The following DLGAP2 variants were observed in gnomAD, a reference collection of about 807,000 sequenced individuals.
DLGAP2 encodes disks large-associated protein 2.
In DLGAP2, 26 loss-of-function variants were observed where a neutral mutation model predicts 100.3. The ratio of observed to expected loss-of-function variants is 0.26; its 90% confidence interval spans 0.19 to 0.36. The LOEUF (loss-of-function observed/expected upper bound fraction) is 0.36, where lower values mean the gene tolerates loss of function less well. Ranked by LOEUF, DLGAP2 falls within the 10% of genes least tolerant of loss-of-function variation. DLGAP2 has a pLI of 1.00. For synonymous variants in DLGAP2, 886 were observed against 630.1 expected (o/e 1.41, Z -6.08); for missense variants, 1,858 against 1,453.2 (o/e 1.28, Z -4.53).
intron 3 of DLGAP2, among the ~76,000 whole-genome samples, chr8:1,364,859 T>C (rs1265663767): frequency 6.6e-6 from 1 of 152,160 alleles, no homozygotes; most frequent in Non-Finnish European, 1.5e-5. Flanking sequence ...TGATCAGCCT[T>C]TTCCAGAGGA....
At chr8:1,020,665 G>C (rs1049846560) in intron 2 of DLGAP2, among the ~76,000 whole-genome samples, 14 of 152,184 alleles carry the variant, frequency 9.2e-5, no homozygotes, top group African/African-American at 3.4e-4. Context: ...CTGATCTTAG[G>C]ACTCACTGAG....
intron 8 of DLGAP2, among the ~76,000 whole-genome samples, chr8:1,668,089 G>A (rs927790919): frequency 3.3e-5 from 5 of 151,770 alleles, no homozygotes; most frequent in South Asian, 2.1e-4. Context: ...CTGCAGGGAC[G>A]CACCTTGCTT....
chr8:981,140 C>G (rs1304474743), intron 2 of DLGAP2, among the ~76,000 whole-genome samples: 1 of 152,116 alleles, frequency 6.6e-6, no homozygotes, highest in Non-Finnish European at 1.5e-5. Flanking sequence ...TTCCCCTATG[C>G]TAGATATTTC....
chr8:1,099,923 C>G (rs763714555), intron 2 of DLGAP2, among the ~76,000 whole-genome samples: 1 of 152,176 alleles, frequency 6.6e-6, no homozygotes, highest in Non-Finnish European at 1.5e-5. Context: ...ACAGTAGGCC[C>G]CCTTCTCCAG....
At chr8:1,366,193 T>C (rs182187818) in intron 3 of DLGAP2, among the ~76,000 whole-genome samples, 8 of 152,388 alleles carry the variant, frequency 5.2e-5, no homozygotes, top group African/African-American at 1.7e-4. Context: ...AAACAATGAA[T>C]TCTAATGTGC....
intron 2 of DLGAP2, among the ~76,000 whole-genome samples, chr8:1,188,928 C>T (rs1342665342): frequency 2.6e-5 from 4 of 152,270 alleles, no homozygotes; most frequent in African/African-American, 4.8e-5. Flanking sequence ...CCTTGTGGTG[C>T]GGCTTCCAGG....
At chr8:1,260,592 G>A (rs1158530552) in intron 3 of DLGAP2, among the ~76,000 whole-genome samples, 1 of 150,622 alleles carries the variant, frequency 6.6e-6, no homozygotes, top group Admixed American at 6.6e-5. Flanking sequence ...CCTGGCTCAG[G>A]GATGGATATT....
intron 2 of DLGAP2, among the ~76,000 whole-genome samples, chr8:946,351 C>A (rs1007413844): frequency 4.6e-5 from 7 of 151,792 alleles, no homozygotes; most frequent in Non-Finnish European, 1.0e-4. Context: ...GCAAGCTCCG[C>A]CTCCCGGGTT....
chr8:888,551 G>C (rs1467820675), intron 1 of DLGAP2, among the ~76,000 whole-genome samples: 8 of 150,490 alleles, frequency 5.3e-5, no homozygotes, highest in Non-Finnish European at 1.2e-4. Context: ...CCCTTGGATG[G>C]GGTTTCTGTG....
intron 2 of DLGAP2, among the ~76,000 whole-genome samples, chr8:1,188,204 C>G (rs1383359084): frequency 7.0e-6 from 1 of 142,858 alleles, no homozygotes; most frequent in East Asian, 2.1e-4. Flanking sequence ...GTGACGTTTC[C>G]CTCACGGAAT....
chr8:1,036,152 A>C (rs1802114846), intron 2 of DLGAP2, among the ~76,000 whole-genome samples: 1 of 145,280 alleles, frequency 6.9e-6, no homozygotes, highest in South Asian at 2.2e-4. Context: ...TGTCACCGCG[A>C]GTGGATTCAC....
intron 2 of DLGAP2, among the ~76,000 whole-genome samples, chr8:1,234,055 C>G (rs945974769): frequency 6.6e-6 from 1 of 152,148 alleles, no homozygotes; most frequent in African/African-American, 2.4e-5. Context: ...AGGTGAATAC[C>G]TAACATTTTT....
chr8:836,841 T>C (rs1796887375), intron 1 of DLGAP2, among the ~76,000 whole-genome samples: 1 of 152,192 alleles, frequency 6.6e-6, no homozygotes, highest in South Asian at 2.1e-4. Flanking sequence ...CGAAGGACCA[T>C]ACCAGACTCT....
chr8:1,453,257 C>T (rs1011511506), intron 3 of DLGAP2, among the ~76,000 whole-genome samples: 6 of 151,902 alleles, frequency 3.9e-5, no homozygotes, highest in African/African-American at 1.5e-4. Context: ...GCCGTGCTGG[C>T]CGGTCAGGCT....
At chr8:1,523,095 C>G (rs543145737) in intron 4 of DLGAP2, among the ~76,000 whole-genome samples, 2 of 152,170 alleles carry the variant, frequency 1.3e-5, no homozygotes, top group Non-Finnish European at 2.9e-5. Context: ...ACTGCCCGTG[C>G]GGCATCTCCT....
At chr8:1,317,907 G>A (rs1207026541) in intron 3 of DLGAP2, among the ~76,000 whole-genome samples, 2 of 110,610 alleles carry the variant, frequency 1.8e-5, no homozygotes, top group African/African-American at 7.8e-5. Context: ...TCCAACAGTG[G>A]TCTACACTCG....
chr8:860,479 A>T (rs1797367879), intron 1 of DLGAP2, among the ~76,000 whole-genome samples: 1 of 152,156 alleles, frequency 6.6e-6, no homozygotes, highest in South Asian at 2.1e-4. Flanking sequence ...ATTGTCCTGG[A>T]CCAAATGACT....
At chr8:1,029,926 G>C (rs1056499420) in intron 2 of DLGAP2, among the ~76,000 whole-genome samples, 4 of 152,206 alleles carry the variant, frequency 2.6e-5, no homozygotes, top group Non-Finnish European at 5.9e-5. Context: ...ATGTGGAAAA[G>C]GAGGGTGTGG....
chr8:1,332,132 C>G (rs1344948311), intron 3 of DLGAP2, among the ~76,000 whole-genome samples: 1 of 152,160 alleles, frequency 6.6e-6, no homozygotes, highest in Non-Finnish European at 1.5e-5. Context: ...TCAATGTGTC[C>G]TGGTGTAGAA....
Sources: gnomAD v4.1 joint callset for allele counts (sites outside exome capture counted in the v4.1 genomes callset) on GRCh38, gnomAD v4.1.1 for gene constraint, MANE v1.5 for transcripts, NCBI Gene and HGNC (gene_info 2026-07-23, HGNC 2026-07-21) for gene names.